Variants in ACTR3C observed in about 807,000 individuals in gnomAD.
ACTR3C encodes actin-related protein 3C.
A neutral mutation model predicts 26.3 loss-of-function variants in ACTR3C; 18 were observed. The ratio of observed to expected loss-of-function variants is 0.68; its 90% CI spans 0.47 to 1.01. The LOEUF (loss-of-function observed/expected upper bound fraction) is 1.01, where lower values mean the gene tolerates loss of function less well. Ranked by LOEUF, ACTR3C falls within the 50% of genes least tolerant of loss-of-function variation. The pLI, the probability that ACTR3C is intolerant of heterozygous loss-of-function variation, is 0.00. For missense variants in ACTR3C, 184 were observed against 250.7 expected, an observed-to-expected ratio of 0.73 and a Z score of 1.80; for synonymous variants, 55 against 94.5, an observed-to-expected ratio of 0.58 and a Z score of 2.42.
In ACTR3C at chr7:150,274,378, C is replaced by T. The variant is rs190401128; in HGVS notation, c.564+10375G>A. ...CATATTTTTTAAATGAAGGTATGTA[C>T]ACTGGTTTTTTAGACATAATGCTAT... is the stretch of plus-strand genomic sequence containing the variant. On this transcript the variant is annotated intron_variant, in intron 6 of 7. Coordinates refer to ENST00000683684, the MANE Select transcript of ACTR3C (RefSeq NM_001164458.2). This position sits in a 1 kb window ranked among gnomAD's most constrained non-coding sequence, Gnocchi z 4.1. Among the ~76,000 whole-genome samples the T allele has an allele frequency of 7.9e-4, 120 of 152,288 alleles. No individual in the cohort carries two copies. The highest frequency in any genetic ancestry group is 9.7e-4 in the East Asian group (5 of 5,180).
chr7:149,885,961 G>A, the ACTR3C span, among the ~76,000 whole-genome samples: 2 of 152,244 alleles, frequency 1.3e-5, no homozygotes, highest in Non-Finnish European at 2.9e-5. Context: ...ATGATGATTA[G>A]TTGAGTGAAA....
the ACTR3C span, among the ~76,000 whole-genome samples, chr7:150,227,153 T>C: frequency 6.6e-6 from 1 of 151,564 alleles, no homozygotes; most frequent in East Asian, 1.9e-4. Context: ...ATGTTAAAAA[T>C]CTATTCTTTT....
chr7:150,296,114 G>C (rs1345954311), intron 1 of ACTR3C, among the ~76,000 whole-genome samples: 1 of 135,404 alleles, frequency 7.4e-6, no homozygotes, highest in African/African-American at 3.1e-5. Flanking sequence ...ACTTTAGGAG[G>C]CTGAGGAGGG....
At chr7:150,317,906 G>C (rs1038829816) in intron 1 of ACTR3C, among the ~76,000 whole-genome samples, 1 of 151,726 alleles carries the variant, frequency 6.6e-6, no homozygotes, top group African/African-American at 2.4e-5. Flanking sequence ...TCGGCTCCTT[G>C]CAAGGAGGAG....
chr7:150,058,511 G>A, the ACTR3C span, among the ~76,000 whole-genome samples: 1 of 152,202 alleles, frequency 6.6e-6, no homozygotes. Flanking sequence ...AGAGAGAGTG[G>A]TCAGAGGAGG....
At chr7:150,009,482 A>G in the ACTR3C span, among the ~76,000 whole-genome samples, 1 of 152,348 alleles carries the variant, frequency 6.6e-6, no homozygotes, top group Admixed American at 6.5e-5. Flanking sequence ...CCTTGCATAC[A>G]TGTGTGTCTA....
the ACTR3C span, among the ~76,000 whole-genome samples, chr7:150,178,758 T>C: frequency 6.6e-6 from 1 of 150,934 alleles, no homozygotes; most frequent in East Asian, 1.9e-4. Flanking sequence ...TGTGTAATTT[T>C]ATTTTATGTT....
intron 1 of ACTR3C, among the ~76,000 whole-genome samples, chr7:150,321,061 A>G (rs1244449487): frequency 6.6e-6 from 1 of 152,200 alleles, no homozygotes; most frequent in Non-Finnish European, 1.5e-5. Context: ...GTTCAGTTTT[A>G]GCAAGAATCC....
At chr7:150,220,832 C>T in the ACTR3C span, among the ~76,000 whole-genome samples, 1 of 152,308 alleles carries the variant, frequency 6.6e-6, no homozygotes, top group Non-Finnish European at 1.5e-5. Context: ...TTCCACACCC[C>T]CCTCACCCTC....
At chr7:149,940,125 G>T in the ACTR3C span, among the ~76,000 whole-genome samples, 1 of 151,858 alleles carries the variant, frequency 6.6e-6, no homozygotes, top group Admixed American at 6.6e-5. Flanking sequence ...AACATTCATG[G>T]GTTATCTATC....
chr7:149,887,336 A>G, the ACTR3C span, among the ~76,000 whole-genome samples: 1 of 152,260 alleles, frequency 6.6e-6, no homozygotes, highest in East Asian at 1.9e-4. Context: ...AGTCAAGGAA[A>G]GCAAATTCAA....
the ACTR3C span, among the ~76,000 whole-genome samples, chr7:149,929,958 G>A: frequency 3.3e-5 from 5 of 152,146 alleles, no homozygotes; most frequent in Admixed American, 6.5e-5. Flanking sequence ...TAAGTCTTTC[G>A]ATGGGATGCA....
At chr7:150,043,597 G>A in the ACTR3C span, among the ~76,000 whole-genome samples, 1 of 152,210 alleles carries the variant, frequency 6.6e-6, no homozygotes, top group Admixed American at 6.5e-5. Flanking sequence ...AGGCGCCAGT[G>A]GGATCAAGAG....
the ACTR3C span, among the ~76,000 whole-genome samples, chr7:150,091,919 C>T: frequency 1.7e-5 from 2 of 121,120 alleles, no homozygotes; most frequent in Admixed American, 1.1e-4. Context: ...ACCCGGGAGG[C>T]GGAGCTTGCA....
chr7:149,888,778 C>T, the ACTR3C span, among the ~76,000 whole-genome samples: 5 of 152,174 alleles, frequency 3.3e-5, no homozygotes, highest in East Asian at 3.9e-4. Context: ...GAGGCCAAGG[C>T]GGGTGGATCA....
At chr7:149,893,977 G>T in the ACTR3C span, among the ~76,000 whole-genome samples, 1 of 152,248 alleles carries the variant, frequency 6.6e-6, no homozygotes, top group East Asian at 1.9e-4. Context: ...ACAGTCAAGG[G>T]AATCTTAAGC....
At chr7:150,045,970 A>C in the ACTR3C span, among the ~76,000 whole-genome samples, 1 of 152,186 alleles carries the variant, frequency 6.6e-6, no homozygotes, top group Non-Finnish European at 1.5e-5. Context: ...TTAATCCTCC[A>C]GAACTCTTCA....
At chr7:149,908,433 A>G in the ACTR3C span, among the ~76,000 whole-genome samples, 1 of 152,144 alleles carries the variant, frequency 6.6e-6, no homozygotes. Context: ...TCAGCAAGCA[A>G]GGAACCGGAA....
chr7:150,214,435 G>A, the ACTR3C span, among the ~76,000 whole-genome samples: 1 of 152,068 alleles, frequency 6.6e-6, no homozygotes, highest in Non-Finnish European at 1.5e-5. Context: ...AATATCCGGA[G>A]CTACGCACAC....
Sources: gnomAD v4.1 joint callset for allele counts (sites outside exome capture counted in the v4.1 genomes callset) on GRCh38, gnomAD v4.1.1 for gene constraint, Gnocchi (gnomAD v3.1) non-coding constraint, MANE v1.5 for transcripts, NCBI Gene and HGNC (gene_info 2026-07-23, HGNC 2026-07-21) for gene names.